Variants in FBXO27 observed in about 807,000 individuals in gnomAD.
FBXO27 encodes F-box only protein 27.
A neutral mutation model predicts 28.3 loss-of-function variants in FBXO27; 28 were observed. The ratio of observed to expected loss-of-function variants is 0.99; its 90% confidence interval spans 0.73 to 1.36. The LOEUF is 1.36. Ranked by LOEUF, FBXO27 falls within the 40% of genes most tolerant of loss-of-function variation. FBXO27 has a pLI of 0.00. For missense variants in FBXO27, 388 were observed against 394.1 expected, an observed-to-expected ratio of 0.98 and a Z score of 0.13; for synonymous variants, 175 against 167.3, an observed-to-expected ratio of 1.05 and a Z score of -0.36.
At chr19:39,025,597 C>T in intron 5 of FBXO27, 43 bp from the exon 6 acceptor site, 5 of 1,586,532 alleles carry the variant, frequency 3.2e-6, no homozygotes, top group Non-Finnish European at 4.3e-6. Context: ...GCCACAGCCT[C>T]CCCTCCAAAG....
chr19:39,012,188 CTTT>C (rs34249268), intron 2 of FBXO27, among the ~76,000 whole-genome samples: 2 of 133,314 alleles, frequency 1.5e-5, no homozygotes, highest in Non-Finnish European at 1.6e-5. Flanking sequence ...ATTTATTAAC[CTTT>C]TTTTTTTTTT....
At chr19:39,022,960 G>T (rs145855475), downstream of FBXO27, among the ~76,000 whole-genome samples, 923 of 152,082 alleles carry the variant, frequency 6.1e-3, 23 homozygotes, top group Admixed American at 0.046. Context: ...ACCATGCCTG[G>T]CTAATTTTTT....
intron 2 of FBXO27, among the ~76,000 whole-genome samples, chr19:39,011,765 C>T (rs2072795625): frequency 6.6e-6 from 1 of 151,486 alleles, no homozygotes; most frequent in Non-Finnish European, 1.5e-5. Flanking sequence ...CCTCCCACCT[C>T]GCCTCCCAAA....
intron 1 of FBXO27, among the ~76,000 whole-genome samples, chr19:39,015,017 CAA>C (rs35545169): frequency 7.9e-5 from 10 of 125,874 alleles, no homozygotes; most frequent in Admixed American, 8.4e-5. Context: ...GACTCTGTCT[CAA>C]AAAAAAAAAA....
At chr19:39,016,762 G>A (rs1407621850) in intron 1 of FBXO27, among the ~76,000 whole-genome samples, 1 of 151,534 alleles carries the variant, frequency 6.6e-6, no homozygotes, top group Non-Finnish European at 1.5e-5. Context: ...TCTAGCCTGG[G>A]CAACAGAGTG....
intron 4 of FBXO27, among the ~76,000 whole-genome samples, chr19:39,027,953 A>T (rs2072882054): frequency 6.6e-6 from 1 of 151,894 alleles, no homozygotes; most frequent in Non-Finnish European, 1.5e-5. Flanking sequence ...ACAAATATTG[A>T]TGCCTGTCTG....
At chr19:39,010,237 A>G (rs1568456784) in intron 2 of FBXO27, among the ~76,000 whole-genome samples, 1 of 150,608 alleles carries the variant, frequency 6.6e-6, no homozygotes, top group South Asian at 2.1e-4. Flanking sequence ...TATTCTTCTA[A>G]GAATGTTATA....
chr19:39,017,732 CT>C (rs897293366), intron 1 of FBXO27, among the ~76,000 whole-genome samples: 7 of 150,966 alleles, frequency 4.6e-5, no homozygotes, highest in African/African-American at 1.2e-4. Flanking sequence ...AAATTTCTCC[CT>C]TTTTTTTTCT....
chr19:39,016,337 G>A (rs1430839231), intron 1 of FBXO27, among the ~76,000 whole-genome samples: 1 of 151,714 alleles, frequency 6.6e-6, no homozygotes, highest in South Asian at 2.1e-4. Context: ...CCACTCTGGT[G>A]GGGGATGTTG....
Position 39,010,584 on chromosome 19 carries a change from C to T in FBXO27, c.252+3803G>A, listed in dbSNP as rs193158212. 3.9e-4 allele frequency among the ~76,000 whole-genome samples: 59 copies of T among 152,316 alleles called. No homozygotes were observed. The East Asian group carries it at 8.3e-3, about 21-fold the overall frequency. Reference sequence around the variant, plus strand: ...TGGAATGAGCTTTCCGTAAGACACGCTCATCAGTTGCCATGTCAGTTTACC... The same window carrying T: ...TGGAATGAGCTTTCCGTAAGACACGTTCATCAGTTGCCATGTCAGTTTACC... On this transcript the variant is annotated intron_variant, in intron 2 of 2. Transcript: ENST00000598394.
At position 39,011,978 on chromosome 19, in the gene FBXO27, G is replaced by A. The variant is rs186214257; in HGVS notation, c.252+2409C>T. ...CGAGTAGCTGGGACTACAGGTGCCCGCCACCATGACCAGCTAATTTTTTGT... is the reference window on the plus strand; with the variant it reads ...CGAGTAGCTGGGACTACAGGTGCCCACCACCATGACCAGCTAATTTTTTGT... On this transcript the variant is annotated intron_variant, in intron 2 of 2. Transcript: ENST00000598394. Among the ~76,000 whole-genome samples, 120 of 151,136 alleles carry A rather than the reference G, an allele frequency of 7.9e-4. 5 individuals are homozygous for A. In the East Asian group the frequency reaches 0.015, roughly 19 times the overall value.
chr19:39,019,838 G>A (rs931679975), downstream of FBXO27, among the ~76,000 whole-genome samples: 3 of 152,028 alleles, frequency 2.0e-5, no homozygotes, highest in African/African-American at 4.8e-5. Context: ...TGCAACCTCC[G>A]CCTCCTGGGT....
chr19:39,012,150 AT>A (rs546517118), intron 2 of FBXO27, among the ~76,000 whole-genome samples: 2 of 136,072 alleles, frequency 1.5e-5, no homozygotes, highest in South Asian at 4.6e-4. Context: ...GATTTTCAAT[AT>A]TGATTTGTAT....
intron 2 of FBXO27, among the ~76,000 whole-genome samples, chr19:39,013,237 TC>T (rs1479416968): frequency 6.6e-6 from 1 of 152,142 alleles, no homozygotes; most frequent in Non-Finnish European, 1.5e-5. Context: ...ATGAGGCGTC[TC>T]CCAAGTGTCC....
intron 2 of FBXO27, among the ~76,000 whole-genome samples, chr19:39,006,500 G>A (rs1049335119): frequency 5.3e-5 from 8 of 151,972 alleles, no homozygotes; most frequent in Admixed American, 3.9e-4. Flanking sequence ...CAGAGGTTGC[G>A]GTGAGCCTAG....
intron 5 of FBXO27, among the ~76,000 whole-genome samples, chr19:39,026,005 G>A (rs1419370677): frequency 6.6e-6 from 1 of 151,966 alleles, no homozygotes; most frequent in South Asian, 2.1e-4. Context: ...ATGATGGAGC[G>A]AGACTCTGCC....
chr19:39,008,501 A>G (rs941196537), intron 2 of FBXO27, among the ~76,000 whole-genome samples: 2 of 152,138 alleles, frequency 1.3e-5, no homozygotes, highest in Admixed American at 1.3e-4. Context: ...TACGGAGGTA[A>G]AATTCATACA....
chr19:39,031,809 C>G, intron 2 of FBXO27, 55 bp downstream of exon 2: 1 of 1,421,160 alleles, frequency 7.0e-7, no homozygotes, highest in Non-Finnish European at 9.1e-7. Flanking sequence ...CCTCCGGCCC[C>G]GCTACCGCTC....
chr19:39,025,314 G>A lies in FBXO27; in HGVS notation c.*97C>T. On this transcript the variant is annotated 3_prime_UTR_variant, in exon 6 of 6. Transcript: ENST00000292853. ...CCAGGAATTCTCAGTATGCCAGGGA[G>A]GTACAAGTGCTTGGTTGGTTAATGA... 6 of 1,463,716 alleles carry A rather than the reference G, an allele frequency of 4.1e-6. No homozygotes were observed. The highest frequency in any genetic ancestry group is 2.2e-5 in the Admixed American group (1 of 46,252). The allele number at this position is 1,463,716 out of a possible 1,614,324, so 90.7% of individuals were successfully genotyped here. A position where few individuals can be genotyped will look rare whatever the true frequency, so the allele number is the denominator to read the frequency against.
Sources: gnomAD v4.1 joint callset for allele counts (sites outside exome capture counted in the v4.1 genomes callset) on GRCh38, gnomAD v4.1.1 for gene constraint, MANE v1.5 for transcripts, NCBI Gene and HGNC (gene_info 2026-07-23, HGNC 2026-07-21) for gene names.